ACO1: variants seen among roughly 807,000 people sequenced by gnomAD.
ACO1 encodes the protein cytoplasmic aconitate hydratase.
ACO1 carries 78 observed loss-of-function variants against 105.1 expected under a neutral mutation model. The ratio of observed to expected loss-of-function variants is 0.74; its 90% CI spans 0.62 to 0.90. ACO1 has a LOEUF of 0.90. ACO1 is among the 40% of genes least tolerant of loss of function. The pLI, the probability that ACO1 is intolerant of heterozygous loss-of-function variation, is 0.00. For missense variants in ACO1, 965 were observed against 1,111.1 expected (o/e 0.87, Z 1.87); for synonymous variants, 364 against 397.4 (o/e 0.92, Z 1.00).
chr9:32,387,653 C>T (rs921750191), intron 1 of ACO1, among the ~76,000 whole-genome samples: 2 of 152,118 alleles, frequency 1.3e-5, no homozygotes, highest in African/African-American at 4.8e-5. Context: ...TATAGATCAG[C>T]AAACTTTTTG....
chr9:32,424,811 G>A, intron 10 of ACO1, 146 bp downstream of exon 10: 2 of 622,672 alleles, frequency 3.2e-6, no homozygotes, highest in Non-Finnish European at 5.6e-6. Context: ...AGTCCTTAAT[G>A]ACTTCCTCCA....
intron 7 of ACO1, among the ~76,000 whole-genome samples, chr9:32,420,085 C>T (rs1821936165): frequency 1.9e-5 from 2 of 104,484 alleles, no homozygotes; most frequent in Non-Finnish European, 2.5e-5. Flanking sequence ...GACTTCCTCA[C>T]AAAATTTGGC....
chr9:32,406,775 C>T (rs1821620319), intron 2 of ACO1, among the ~76,000 whole-genome samples: 3 of 152,174 alleles, frequency 2.0e-5, no homozygotes, highest in African/African-American at 7.2e-5. Context: ...GTAGTGTTTT[C>T]TACCACTGAA....
Position 32,405,159 on chromosome 9 carries a change from C to T in ACO1, c.-22-326C>T, listed in dbSNP as rs552785002. On this transcript the variant is annotated intron_variant, in intron 1 of 20. Transcript: ENST00000309951. ...TGGGCAAACAGCCTGGCTGTCTCCT[C>T]TTCAGTGTCTTGCGCCCGTTACCGG... Among the ~76,000 whole-genome samples, 3 of 152,212 alleles carry T rather than the reference C, an allele frequency of 2.0e-5. No homozygotes were observed. In the South Asian group the frequency reaches 6.2e-4, roughly 32 times the overall value.
chr9:32,434,951 T>C (rs1822323290), intron 17 of ACO1, among the ~76,000 whole-genome samples: 1 of 152,180 alleles, frequency 6.6e-6, no homozygotes, highest in African/African-American at 2.4e-5. Context: ...AGTGTATATA[T>C]TAGGCCCAAC....
At chr9:32,433,640 T>C in intron 15 of ACO1, 88 bp from the exon 16 acceptor site, 1 of 996,850 alleles carries the variant, frequency 1.0e-6, no homozygotes, top group South Asian at 1.5e-5. Context: ...TAGTGTACCT[T>C]TTAGCTTGAA....
intron 1 of ACO1, among the ~76,000 whole-genome samples, chr9:32,385,384 C>G (rs1161345260): frequency 1.3e-5 from 2 of 152,122 alleles, no homozygotes; most frequent in Non-Finnish European, 2.9e-5. Context: ...ACAGAAGTCC[C>G]CAAACTTTTC....
In ACO1 at chr9:32,408,579, C is replaced by T. The variant is rs1187025778; in HGVS notation, c.332C>T (p.Pro111Leu). The change falls in exon 4 of 21, where the codon CCA becomes CTA. Residue 111 changes from proline to leucine, a missense_variant. Coordinates refer to ENST00000309951, the MANE Select transcript of ACO1 (RefSeq NM_002197.3). ...RDAVKKLGGDPEKINPVCPAD... is the reference protein window; with the variant it reads ...RDAVKKLGGDLEKINPVCPAD... ...GCTGTGAAAAAGTTAGGAGGAGATC[C>T]AGAGAAAATAAACCCTGTCTGCCCT... 6.2e-6 allele frequency: 10 copies of T among 1,614,032 alleles called. No individual in the cohort carries two copies. Among genetic ancestry groups the T allele is most frequent in the African/African-American group, 1.3e-5 (1 of 74,934 alleles).
At chr9:32,407,084 G>T (rs1453581620) in intron 2 of ACO1, among the ~76,000 whole-genome samples, 177 bp from the exon 3 acceptor site, 1 of 152,176 alleles carries the variant, frequency 6.6e-6, no homozygotes, top group African/African-American at 2.4e-5. Context: ...GCCCAGCCCT[G>T]AATATCTCTT....
rs1822834056 is a variant in ACO1, at chr9:32,454,407, C to CATT, written c.*4297_*4299dup. ...TGACCTTGATGTTGGGATGACTCTT[C>CATT]ATTTCAGGGTGAAAATATCACAGCA... On this transcript the variant is annotated 3_prime_UTR_variant, in exon 21 of 21. Coordinates refer to ENST00000309951, the MANE Select transcript of ACO1 (RefSeq NM_002197.3). 1 of 152,184 alleles carries CATT rather than the reference C, an allele frequency of 6.6e-6. No homozygotes were observed. The highest frequency in any genetic ancestry group is 6.5e-5 in the Admixed American group (1 of 15,278). 9.4% of individuals were successfully genotyped at this position (152,184 alleles called of 1,614,324 possible).
At chr9:32,389,636 T>TGACC (rs1821223991) in intron 1 of ACO1, among the ~76,000 whole-genome samples, 1 of 151,450 alleles carries the variant, frequency 6.6e-6, no homozygotes, top group African/African-American at 2.4e-5. Context: ...CACCATCAGC[T>TGACC]GACCGTCTCC....
chr9:32,424,479 G>T, intron 9 of ACO1, 70 bp from the exon 10 acceptor site: 1 of 1,001,782 alleles, frequency 1.0e-6, no homozygotes, highest in South Asian at 1.5e-5. Context: ...TAAATTCTCT[G>T]ACATGCTTTG....
intron 1 of ACO1, among the ~76,000 whole-genome samples, chr9:32,398,591 G>GT (rs1554659048): frequency 5.2e-4 from 66 of 127,614 alleles, no homozygotes; most frequent in Middle Eastern, 3.8e-3. Context: ...TTTTTTGTTT[G>GT]TTTGTTTTGT....
intron 10 of ACO1, 122 bp from the exon 11 acceptor site, chr9:32,425,716 C>T: frequency 3.3e-6 from 2 of 599,566 alleles, no homozygotes; most frequent in African/African-American, 1.9e-5. Flanking sequence ...TTATAGTTAC[C>T]AAAGTATTCC....
At chr9:32,411,291 A>G (rs1051562996) in intron 4 of ACO1, among the ~76,000 whole-genome samples, 31 of 152,238 alleles carry the variant, frequency 2.0e-4, no homozygotes, top group African/African-American at 7.5e-4. Context: ...AACAACTATC[A>G]GTGGGAGAAA....
At chr9:32,446,151 G>A (rs1822601439) in intron 19 of ACO1, among the ~76,000 whole-genome samples, 1 of 152,196 alleles carries the variant, frequency 6.6e-6, no homozygotes, top group South Asian at 2.1e-4. Flanking sequence ...GTGAGTTCAA[G>A]TCCTGGATAT....
intron 1 of ACO1, among the ~76,000 whole-genome samples, chr9:32,403,204 G>A (rs941386495): frequency 4.6e-5 from 7 of 152,132 alleles, no homozygotes; most frequent in Admixed American, 1.3e-4. Context: ...GATGTATGCC[G>A]TTACGCAAGG....
Position 32,408,622 on chromosome 9 carries a change from T to A in ACO1, c.375T>A (p.Asp125Glu). The change falls in exon 4 of 21, where the codon GAT becomes GAA. Residue 125 changes from aspartate (D) to glutamate (E), a missense_variant. Physicochemically the swap from Asp to Glu is conservative, Grantham distance 45. Coordinates refer to ENST00000309951, the MANE Select transcript of ACO1 (RefSeq NM_002197.3). ...TCTGCCCTGCTGATCTTGTAATAGA[T>A]CATTCCATCCAGGTTGATTTCAACA... ...NPVCPADLVIDHSIQVDFNRR... is the reference protein window; with the variant it reads ...NPVCPADLVIEHSIQVDFNRR... 1 of 1,614,180 alleles carries A rather than the reference T, an allele frequency of 6.2e-7. No homozygotes were observed. The highest frequency in any genetic ancestry group is 8.5e-7 in the Non-Finnish European group (1 of 1,180,012).
Position 32,408,656 on chromosome 9 carries a change from G to A in ACO1, c.404+5G>A, listed in dbSNP as rs777874288. The A allele has an allele frequency of 1.2e-6, 2 of 1,613,954 alleles. No individual in the cohort carries two copies. Among genetic ancestry groups the A allele is most frequent in the Non-Finnish European group, 8.5e-7 (1 of 1,179,952 alleles). On this transcript the variant is annotated splice_donor_5th_base_variant and intron_variant, in intron 4 of 20. Transcript: ENST00000309951. ...CCAGGTTGATTTCAACAGAAGGTGA[G>A]AGATTAAAACGAATACCTGAGTGTT...
Sources: allele counts gnomAD v4.1 joint callset (sites outside exome capture counted in the v4.1 genomes callset), GRCh38; gene constraint gnomAD v4.1.1; transcripts MANE v1.5; gene names NCBI Gene and HGNC (gene_info 2026-07-23, HGNC 2026-07-21).